The following PCDHGA10 variants were observed in gnomAD, a reference collection of about 807,000 sequenced individuals.
PCDHGA10 encodes the protein protocadherin gamma subfamily A, 10.
PCDHGA10 carries 42 observed loss-of-function variants against 59.5 expected under a neutral mutation model. That is an observed-to-expected ratio of 0.71 (90% confidence interval 0.55 to 0.91). The LOEUF is 0.91. Ranked by LOEUF, PCDHGA10 falls within the 40% of genes least tolerant of loss-of-function variation. The pLI is 0.00. For missense variants in PCDHGA10, 1,111 were observed against 1,198.2 expected (o/e 0.93, Z 1.07); for synonymous variants, 511 against 517.2 (o/e 0.99, Z 0.16).
At chr5:141,419,359 G>C (rs1257423360) in intron 1 of PCDHGA10, 1 of 1,613,796 alleles carries the variant, frequency 6.2e-7, no homozygotes. Flanking sequence ...AGTCACGAAC[G>C]CTGTCGTCCT....
chr5:141,478,259 T>A lies in PCDHGA10; in HGVS notation c.2437-16548T>A, dbSNP rs534973741. ...GGTCACAGTGTTCGGAGTAATCATA[T>A]TCAAAGTTTACAAGTGGAAGCAGTC... On this transcript the variant is annotated intron_variant, in intron 1 of 3. Transcript: ENST00000398610. 3.2e-5 allele frequency: 52 copies of A among 1,614,064 alleles called. No individual in the cohort carries two copies. The highest frequency in any genetic ancestry group is 4.4e-5 in the Non-Finnish European group (52 of 1,180,048).
intron 1 of PCDHGA10, among the ~76,000 whole-genome samples, chr5:141,459,721 T>C (rs2098973915): frequency 6.6e-6 from 1 of 152,246 alleles, no homozygotes. Context: ...CAATGCTTCC[T>C]ATTGTCAATT....
Position 141,438,239 on chromosome 5 carries a change from A to C in PCDHGA10, c.2436+22628A>C, listed in dbSNP as rs550172792. Among the ~76,000 whole-genome samples, 9 of 152,298 alleles carry C rather than the reference A, an allele frequency of 5.9e-5. No homozygotes were observed. In the East Asian group the frequency reaches 1.7e-3, roughly 29 times the overall value. On this transcript the variant is annotated intron_variant, in intron 1 of 3. Transcript: ENST00000398610. ...GCTCTGGTTCAGGAAAATGTTTTTA[A>C]AAAACTGTCATTGAAGAGACCATAG...
intron 1 of PCDHGA10, among the ~76,000 whole-genome samples, chr5:141,460,922 ATATGTGTGTGTG>A: frequency 6.6e-6 from 1 of 151,042 alleles, no homozygotes; most frequent in Non-Finnish European, 1.5e-5. Context: ...GTATATATAT[ATATGTGTGTGTG>A]TATATATATG....
In PCDHGA10 at chr5:141,489,423, C is replaced by A. The variant is rs754178145; in HGVS notation, c.2437-5384C>A. 7.4e-6 allele frequency: 12 copies of A among 1,613,982 alleles called. No homozygotes were observed. Among genetic ancestry groups the A allele is most frequent in the Non-Finnish European group, 1.0e-5 (12 of 1,180,044 alleles). On this transcript the variant is annotated intron_variant, in intron 1 of 3. Transcript: ENST00000398610. The surrounding 1 kb of genome is among the most constrained non-coding windows in gnomAD (Gnocchi z 4.5). Reference sequence around the variant, plus strand: ...GCTTAAAGATGACAGATCTGTTGAGCCGGCGGCTGCAATTGGGCTCTGAGG... The same window carrying A: ...GCTTAAAGATGACAGATCTGTTGAGACGGCGGCTGCAATTGGGCTCTGAGG...
intron 1 of PCDHGA10, among the ~76,000 whole-genome samples, chr5:141,464,966 T>C (rs192224238): frequency 1.2e-3 from 178 of 152,274 alleles, no homozygotes; most frequent in Middle Eastern, 3.4e-3. Flanking sequence ...TGTCTTGAAC[T>C]ACTGGCTTCA....
Position 141,486,390 on chromosome 5 carries a change from C to T in PCDHGA10, c.2437-8417C>T. 6.2e-7 allele frequency: 1 copy of T among 1,614,138 alleles called. No homozygotes were observed. The highest frequency in any genetic ancestry group is 1.1e-5 in the South Asian group (1 of 91,084). On this transcript the variant is annotated intron_variant, in intron 1 of 3. Coordinates refer to ENST00000398610, the MANE Select transcript of PCDHGA10 (RefSeq NM_018913.3). This position sits in a 1 kb window ranked among gnomAD's most constrained non-coding sequence, Gnocchi z 5.0. ...AAGTCTGCCTTCAGGAACCAGTTCTCCCTGGTGACTGCTGGACCCTTGGAT... is the reference window on the plus strand; with the variant it reads ...AAGTCTGCCTTCAGGAACCAGTTCTTCCTGGTGACTGCTGGACCCTTGGAT...
At position 141,431,052 on chromosome 5, in the gene PCDHGA10, G is replaced by A. The variant is rs148326556; in HGVS notation, c.2436+15441G>A. On this transcript the variant is annotated intron_variant, in intron 1 of 3. Transcript: ENST00000398610. The surrounding 1 kb of genome is among the most constrained non-coding windows in gnomAD (Gnocchi z 4.8). Reference sequence around the variant, plus strand: ...ATAGACCGGGAGGAGCTCTGTATGGGGGCCATCAAGTGTCAATTAAATCTA... The same window carrying A: ...ATAGACCGGGAGGAGCTCTGTATGGAGGCCATCAAGTGTCAATTAAATCTA... 2 of 1,614,228 alleles carry A rather than the reference G, an allele frequency of 1.2e-6. No individual in the cohort carries two copies. The highest frequency in any genetic ancestry group is 1.7e-6 in the Non-Finnish European group (2 of 1,180,044).
intron 1 of PCDHGA10, among the ~76,000 whole-genome samples, chr5:141,450,487 G>A (rs1379694010): frequency 1.3e-5 from 2 of 151,938 alleles, no homozygotes; most frequent in African/African-American, 2.4e-5. Context: ...TTGTTTGTTT[G>A]TCTGTTTGTT....
Position 141,490,481 on chromosome 5 carries a change from G to A in PCDHGA10, c.2437-4326G>A, listed in dbSNP as rs771164683. 8.7e-6 allele frequency: 14 copies of A among 1,614,060 alleles called. No homozygotes were observed. The highest frequency in any genetic ancestry group is 4.0e-5 in the African/African-American group (3 of 74,928). ...CTGCTAACCAGCCAGCCTTTGGACCGGGAGGCCACATCCCACTATATCATC... is the reference window on the plus strand; with the variant it reads ...CTGCTAACCAGCCAGCCTTTGGACCAGGAGGCCACATCCCACTATATCATC... On this transcript the variant is annotated intron_variant, in intron 1 of 3. Transcript: ENST00000398610. The surrounding 1 kb of genome is among the most constrained non-coding windows in gnomAD (Gnocchi z 5.4).
intron 1 of PCDHGA10, among the ~76,000 whole-genome samples, chr5:141,474,243 G>GA (rs1161758975): frequency 2.6e-5 from 4 of 152,050 alleles, no homozygotes; most frequent in Admixed American, 1.3e-4. Context: ...CTGAATAGGG[G>GA]AAAAAAAGAC....
chr5:141,444,360 G>A (rs556605314), intron 1 of PCDHGA10, among the ~76,000 whole-genome samples: 1 of 151,652 alleles, frequency 6.6e-6, no homozygotes, highest in South Asian at 2.1e-4. Context: ...TAGTAGAGAC[G>A]GGGTTTCTCC....
At position 141,476,326 on chromosome 5, in the gene PCDHGA10, T is replaced by A. The variant is rs752845438; in HGVS notation, c.2437-18481T>A. Reference sequence around the variant, plus strand: ...CAGCCCGCAGGTTCCGGGTGGTGTCTGGAGCTAGCCGAAGATTCTTTGAGG... The same window carrying A: ...CAGCCCGCAGGTTCCGGGTGGTGTCAGGAGCTAGCCGAAGATTCTTTGAGG... On this transcript the variant is annotated intron_variant, in intron 1 of 3. Coordinates refer to ENST00000398610, the MANE Select transcript of PCDHGA10 (RefSeq NM_018913.3). This position sits in a 1 kb window ranked among gnomAD's most constrained non-coding sequence, Gnocchi z 7.6. The A allele has an allele frequency of 6.2e-7, 1 of 1,614,120 alleles. No individual in the cohort carries two copies. Among genetic ancestry groups the A allele is most frequent in the Non-Finnish European group, 8.5e-7 (1 of 1,180,034 alleles).
At chr5:141,421,986 AG>A in intron 1 of PCDHGA10, 2 of 1,609,004 alleles carry the variant, frequency 1.2e-6, no homozygotes, top group Non-Finnish European at 1.7e-6. Flanking sequence ...TGAGTGTTCC[AG>A]AAAACATCAG....
intron 3 of PCDHGA10, among the ~76,000 whole-genome samples, chr5:141,508,943 CAG>C (rs1562237475): frequency 1.3e-5 from 2 of 151,982 alleles, no homozygotes; most frequent in Admixed American, 6.6e-5. Context: ...TTAGGGAAAA[CAG>C]AGAAATGTCA....
At chr5:141,439,009 G>T (rs1474312524) in intron 1 of PCDHGA10, among the ~76,000 whole-genome samples, 1 of 151,594 alleles carries the variant, frequency 6.6e-6, no homozygotes, top group Non-Finnish European at 1.5e-5. Flanking sequence ...TGGTTTGTTT[G>T]TCAAATTTTG....
chr5:141,419,175 C>T (rs185228661), intron 1 of PCDHGA10: 2 of 1,613,966 alleles, frequency 1.2e-6, no homozygotes, highest in Non-Finnish European at 1.7e-6. Flanking sequence ...AAAACCATAA[C>T]CCTGCACATT....
Position 141,418,737 on chromosome 5 carries a change from C to T in PCDHGA10, c.2436+3126C>T, listed in dbSNP as rs768683069. 7.4e-6 allele frequency: 12 copies of T among 1,613,960 alleles called. No homozygotes were observed. The South Asian group carries it at 1.3e-4, about 18-fold the overall frequency. ...GCTGACAAAGCTCAGCACGTGTTCT[C>T]TCTGGATTACACTACAGGAAACATT... On this transcript the variant is annotated intron_variant, in intron 1 of 3. Coordinates refer to ENST00000398610, the MANE Select transcript of PCDHGA10 (RefSeq NM_018913.3).
chr5:141,426,797 C>A (rs1487716495), intron 1 of PCDHGA10: 1 of 456,706 alleles, frequency 2.2e-6, no homozygotes, highest in Non-Finnish European at 4.4e-6. Context: ...GTTACCAGCT[C>A]AGTTCTAATG....
Sources: gnomAD v4.1 joint callset for allele counts (sites outside exome capture counted in the v4.1 genomes callset) on GRCh38, gnomAD v4.1.1 for gene constraint, Gnocchi (gnomAD v3.1) non-coding constraint, MANE v1.5 for transcripts, NCBI Gene and HGNC (gene_info 2026-07-23, HGNC 2026-07-21) for gene names.